Variants in TMEM106A observed in about 807,000 individuals in gnomAD.
The protein encoded by TMEM106A is transmembrane protein 106A.
TMEM106A carries 22 observed loss-of-function variants against 25.1 expected under a neutral mutation model. The observed-to-expected ratio is 0.88, with a 90% confidence interval of 0.63 to 1.25. TMEM106A has a LOEUF of 1.25. Ranked by LOEUF, TMEM106A falls within the 50% of genes most tolerant of loss-of-function variation. TMEM106A has a pLI of 0.00. For missense variants in TMEM106A, 275 were observed against 318.1 expected, an observed-to-expected ratio of 0.86 and a Z score of 1.03; for synonymous variants, 104 against 129.9, an observed-to-expected ratio of 0.80 and a Z score of 1.35.
At position 43,217,898 on chromosome 17, in the gene TMEM106A, A is replaced by G; in HGVS notation, c.*97A>G. On this transcript the variant is annotated 3_prime_UTR_variant, in exon 9 of 9. Transcript: ENST00000612339. Reference sequence around the variant, plus strand: ...AGGAAGGACTACAGAGGCTTTGCCAAAGGAGAAGCCCTGCCTCATCACACC... The same window carrying G: ...AGGAAGGACTACAGAGGCTTTGCCAGAGGAGAAGCCCTGCCTCATCACACC... 1 of 1,563,366 alleles carries G rather than the reference A, an allele frequency of 6.4e-7. No homozygotes were observed. Among genetic ancestry groups the G allele is most frequent in the Non-Finnish European group, 8.7e-7 (1 of 1,151,374 alleles).
At chr17:43,213,318 G>C in intron 3 of TMEM106A, 66 bp downstream of exon 3, 1 of 1,566,456 alleles carries the variant, frequency 6.4e-7, no homozygotes. Context: ...GTTGGCCTGG[G>C]GCAGCCCCTC....
chr17:43,216,005 A>G, intron 5 of TMEM106A, 64 bp downstream of exon 5: 3 of 1,601,064 alleles, frequency 1.9e-6, no homozygotes, highest in Non-Finnish European at 2.6e-6. Context: ...ACCTTTGTCC[A>G]GTGTTATGAC....
Position 43,215,883 on chromosome 17 carries a change from C to T in TMEM106A, c.371C>T (p.Ala124Val). The T allele has an allele frequency of 1.9e-6, 3 of 1,614,108 alleles. No homozygotes were observed. The highest frequency in any genetic ancestry group is 2.2e-5 in the East Asian group (1 of 44,874). ...LFPRSVIVQP[A>V]GLNSSTVAFD... is the part of the protein sequence containing the mutation. ...CCCCGGTCCGTCATTGTGCAGCCTG[C>T]AGGCCTCAACTCCTCCACAGTGGCC... Residue 124 changes from alanine (A) to valine (V), a missense_variant, in exon 5 of 9, where the codon GCA becomes GTA. By Grantham distance (64) the Ala-to-Val change is moderately conservative. Transcript: ENST00000612339.
chr17:43,214,540 G>A (rs894358755), intron 4 of TMEM106A, among the ~76,000 whole-genome samples: 2 of 152,156 alleles, frequency 1.3e-5, no homozygotes, highest in African/African-American at 4.8e-5. Context: ...GGCAGACCTG[G>A]GGCCTACTGT....
chr17:43,217,210 G>A, intron 7 of TMEM106A, 49 bp from the exon 8 acceptor site: 1 of 1,596,468 alleles, frequency 6.3e-7, no homozygotes. Flanking sequence ...GAGCTGACAG[G>A]CTGCTCCATG....
chr17:43,217,831 C>T lies in TMEM106A; in HGVS notation c.*30C>T, dbSNP rs568242769. ...TCTGCTGTCCCTGTACTCCAGGCAC[C>T]TGCAACCCTGGTCTATATCTCCCAC... On this transcript the variant is annotated 3_prime_UTR_variant, in exon 9 of 9. Transcript: ENST00000612339. 53 of 1,613,522 alleles carry T rather than the reference C, an allele frequency of 3.3e-5. No homozygotes were observed. In the South Asian group the frequency reaches 5.7e-4, roughly 17 times the overall value.
chr17:43,213,198 G>A lies in TMEM106A; in HGVS notation c.157G>A (p.Asp53Asn). The A allele has an allele frequency of 1.2e-6, 2 of 1,614,228 alleles. No individual in the cohort carries two copies. Among genetic ancestry groups the A allele is most frequent in the South Asian group, 1.1e-5 (1 of 91,088 alleles). ...CSCVPCEGTADASFVTCPTCQ... is the reference protein window; with the variant it reads ...CSCVPCEGTANASFVTCPTCQ... ...CTGTGTGCCTTGTGAAGGAACTGCT[G>A]ATGCCAGCTTCGTGACTTGTCCCAC... The change falls in exon 3 of 9, where the codon GAT (aspartate) becomes AAT (asparagine). Residue 53 changes from aspartate (D) to asparagine (N), a missense_variant. By Grantham distance (23) the Asp-to-Asn change is conservative (BLOSUM62 1). Transcript: ENST00000612339.
chr17:43,217,295 T>C lies in TMEM106A; in HGVS notation c.651T>C (p.His217=). The stretch of plus-strand genomic sequence containing the variant: ...CCTGGCTGGAAATCAAAGTCCACCA[T>C]GTGCTTTTGCACATCCAGTAAGTAG... The part of the protein sequence containing the change: ...ICTWLEIKVH[H]VLLHIQGTLT... Residue 217 remains histidine, a synonymous_variant, in exon 8 of 9, where the codon CAT becomes CAC. Transcript: ENST00000612339. The C allele has an allele frequency of 6.2e-7, 1 of 1,614,256 alleles. No homozygotes were observed. The highest frequency in any genetic ancestry group is 8.5e-7 in the Non-Finnish European group (1 of 1,180,028).
intron 4 of TMEM106A, among the ~76,000 whole-genome samples, chr17:43,215,260 AAG>A (rs1491380972): frequency 1.3e-5 from 2 of 152,162 alleles, no homozygotes; most frequent in African/African-American, 4.8e-5. Context: ...AGAAAAAAAA[AAG>A]AAATTAGCAG....
rs1041170747 is a variant in TMEM106A at position 43,219,058 on chromosome 17, G to T, written c.*1257G>T. ...AAACAGAGCCAAAGACAGAATCATT[G>T]TATAAGATATTTATTAAAGGAGAGC... On this transcript the variant is annotated 3_prime_UTR_variant, in exon 9 of 9. Transcript: ENST00000612339. 2 of 152,224 alleles carry T rather than the reference G, an allele frequency of 1.3e-5. No homozygotes were observed. Among genetic ancestry groups the T allele is most frequent in the Admixed American group, 1.3e-4 (2 of 15,274 alleles). The allele number at this position is 152,224 out of a possible 1,614,324, so 9.4% of individuals were successfully genotyped here. A position where few individuals can be genotyped will look rare whatever the true frequency, so the allele number is the denominator to read the frequency against.
chr17:43,216,810 C>T, intron 7 of TMEM106A, 70 bp downstream of exon 7: 1 of 1,592,432 alleles, frequency 6.3e-7, no homozygotes, highest in Non-Finnish European at 8.6e-7. Flanking sequence ...TACCCACCAG[C>T]TTTCCTGATT....
intron 4 of TMEM106A, 113 bp from the exon 5 acceptor site, chr17:43,215,674 GT>G (rs2154582604): frequency 1.8e-6 from 2 of 1,122,116 alleles, no homozygotes; most frequent in South Asian, 1.5e-5. Context: ...TGTTGTTGGG[GT>G]AGTGTGCAGG....
intron 3 of TMEM106A, 99 bp downstream of exon 3, chr17:43,213,351 G>C (rs926466723): frequency 4.7e-6 from 6 of 1,268,562 alleles, no homozygotes; most frequent in Non-Finnish European, 6.8e-6. Context: ...GATGGGGTTA[G>C]ATCTGCTCCC....
At chr17:43,215,546 A>C (rs1276830739) in intron 4 of TMEM106A, among the ~76,000 whole-genome samples, 2 of 152,196 alleles carry the variant, frequency 1.3e-5, no homozygotes, top group South Asian at 2.1e-4. Flanking sequence ...TAAGGAGGCT[A>C]AGTGGGCTGC....
At chr17:43,215,666 T>G in intron 4 of TMEM106A, 122 bp from the exon 5 acceptor site, 2 of 1,042,594 alleles carry the variant, frequency 1.9e-6, no homozygotes, top group Non-Finnish European at 2.9e-6. Flanking sequence ...GAGCTAAATG[T>G]TGTTGGGGTA....
chr17:43,217,865 G>A lies in TMEM106A; in HGVS notation c.*64G>A, dbSNP rs1465161758. 6.2e-7 allele frequency: 1 copy of A among 1,605,356 alleles called. No homozygotes were observed. The highest frequency in any genetic ancestry group is 2.2e-5 in the East Asian group (1 of 44,834). On this transcript the variant is annotated 3_prime_UTR_variant, in exon 9 of 9. Transcript: ENST00000612339. ...TGGTCTATATCTCCCACAACTCCCT[G>A]GTGACTAAGGAAGGACTACAGAGGC...
chr17:43,212,151 G>A (rs2057436266), intron 1 of TMEM106A, 76 bp from the exon 2 acceptor site: 1 of 152,514 alleles, frequency 6.6e-6, no homozygotes, highest in Non-Finnish European at 1.5e-5. Context: ...TGTAGCCCAG[G>A]AATCGGCTTG....
At chr17:43,216,377 C>T (rs1183860198) in intron 5 of TMEM106A, 72 bp from the exon 6 acceptor site, 67 of 1,585,262 alleles carry the variant, frequency 4.2e-5, no homozygotes, top group Non-Finnish European at 5.6e-5. Context: ...GACAGCCAGG[C>T]TTTTGCAACT....
At chr17:43,213,727 T>A (rs2057458309) in intron 3 of TMEM106A, 101 bp from the exon 4 acceptor site, 15 of 1,151,300 alleles carry the variant, frequency 1.3e-5, no homozygotes, top group Non-Finnish European at 1.9e-5. Flanking sequence ...TTTCTAACAT[T>A]GCTCTATGGT....
Sources: allele counts gnomAD v4.1 joint callset (sites outside exome capture counted in the v4.1 genomes callset), GRCh38; gene constraint gnomAD v4.1.1; transcripts MANE v1.5; gene names NCBI Gene and HGNC (gene_info 2026-07-23, HGNC 2026-07-21).